The following DOK6 variants were observed in gnomAD, a reference collection of about 807,000 sequenced individuals.
DOK6 encodes the protein docking protein 6, also known as downstream of tyrosine kinase 6.
Under a neutral mutation model 44.0 loss-of-function variants are expected in DOK6, and 22 were observed. The observed-to-expected ratio is 0.50, with a 90% CI of 0.36 to 0.71. DOK6 has a LOEUF of 0.71. Among genes scored for constraint, DOK6 ranks in the 30% least tolerant of loss-of-function variants. The pLI is 0.00. For missense variants in DOK6, 340 were observed against 416.4 expected, an observed-to-expected ratio of 0.82 and a Z score of 1.60; for synonymous variants, 166 against 145.5, an observed-to-expected ratio of 1.14 and a Z score of -1.01.
chr18:69,515,533 T>G (rs1322896761), intron 1 of DOK6, among the ~76,000 whole-genome samples: 1 of 152,150 alleles, frequency 6.6e-6, no homozygotes, highest in East Asian at 1.9e-4. Context: ...AGGCGTGAAC[T>G]AACAAACATA....
At chr18:69,426,248 C>T (rs988231533) in intron 1 of DOK6, among the ~76,000 whole-genome samples, 1 of 152,120 alleles carries the variant, frequency 6.6e-6, no homozygotes, top group Non-Finnish European at 1.5e-5. Flanking sequence ...CTATTCCTCC[C>T]CATATCCAAA....
chr18:69,706,103 G>T (rs1391229027), intron 5 of DOK6, among the ~76,000 whole-genome samples: 1 of 152,138 alleles, frequency 6.6e-6, no homozygotes, highest in Non-Finnish European at 1.5e-5. Flanking sequence ...CTTGTAACTG[G>T]GGTAACCATT....
intron 1 of DOK6, among the ~76,000 whole-genome samples, chr18:69,517,729 G>T (rs989454456): frequency 9.5e-5 from 14 of 146,808 alleles, no homozygotes; most frequent in East Asian, 2.0e-4. Flanking sequence ...ATACAGCTTG[G>T]TTTTTTTTTT....
intron 7 of DOK6, among the ~76,000 whole-genome samples, chr18:69,821,089 G>C (rs540561666): frequency 6.6e-6 from 1 of 152,154 alleles, no homozygotes; most frequent in East Asian, 1.9e-4. Flanking sequence ...TCCATTCCTT[G>C]ATTACATTAT....
intron 3 of DOK6, among the ~76,000 whole-genome samples, chr18:69,638,068 CT>C (rs1984850931): frequency 6.6e-6 from 1 of 152,096 alleles, no homozygotes. Context: ...TTCCTATTGC[CT>C]TTGATGTTTC....
chr18:69,607,500 T>TA (rs965640572), intron 3 of DOK6, among the ~76,000 whole-genome samples: 3 of 127,096 alleles, frequency 2.4e-5, no homozygotes, highest in Non-Finnish European at 3.5e-5. Flanking sequence ...TCCTTGGATA[T>TA]AAAAAAAATT....
chr18:69,681,060 T>C (rs1477706180), intron 4 of DOK6, among the ~76,000 whole-genome samples: 1 of 152,212 alleles, frequency 6.6e-6, no homozygotes, highest in Non-Finnish European at 1.5e-5. Flanking sequence ...ATTAGCACGA[T>C]AGATTGTTTA....
At chr18:69,589,706 G>A (rs1378235019) in intron 2 of DOK6, among the ~76,000 whole-genome samples, 3 of 152,036 alleles carry the variant, frequency 2.0e-5, no homozygotes, top group Non-Finnish European at 4.4e-5. Flanking sequence ...CACTTAATTT[G>A]CCCAGTTAGG....
At chr18:69,655,845 AAT>A (rs140810516) in intron 3 of DOK6, among the ~76,000 whole-genome samples, 5,106 of 151,456 alleles carry the variant, frequency 0.034, 126 homozygotes, top group South Asian at 0.053. Flanking sequence ...TGAAAAATAA[AAT>A]ATGACATATG....
intron 1 of DOK6, among the ~76,000 whole-genome samples, chr18:69,488,785 A>G (rs1455633846): frequency 2.0e-5 from 3 of 152,222 alleles, no homozygotes; most frequent in Non-Finnish European, 4.4e-5. Flanking sequence ...GGAAACTACA[A>G]TTCAAGATGA....
chr18:69,472,427 C>T (rs2122491043), intron 1 of DOK6, among the ~76,000 whole-genome samples: 1 of 152,266 alleles, frequency 6.6e-6, no homozygotes, highest in East Asian at 1.9e-4. Flanking sequence ...CTTAGGGTCT[C>T]AGATTTCTGT....
chr18:69,402,255 G>A (rs1354387528), intron 1 of DOK6, among the ~76,000 whole-genome samples: 13 of 152,140 alleles, frequency 8.5e-5, no homozygotes, highest in Non-Finnish European at 1.8e-4. Flanking sequence ...CCCTGTTCCA[G>A]ACTCTGGTTG....
intron 1 of DOK6, among the ~76,000 whole-genome samples, chr18:69,508,895 T>C (rs1981269214): frequency 6.6e-6 from 1 of 152,222 alleles, no homozygotes; most frequent in African/African-American, 2.4e-5. Flanking sequence ...CTTTGACCAC[T>C]GTGGAGGAAA....
chr18:69,781,585 T>G (rs1450652937), intron 7 of DOK6, among the ~76,000 whole-genome samples: 6 of 152,206 alleles, frequency 3.9e-5, no homozygotes, highest in Non-Finnish European at 5.9e-5. Flanking sequence ...CGTTTCTGCA[T>G]GGAAATTTGT....
intron 1 of DOK6, among the ~76,000 whole-genome samples, chr18:69,529,876 G>T (rs1175927106): frequency 6.6e-6 from 1 of 151,988 alleles, no homozygotes; most frequent in Non-Finnish European, 1.5e-5. Flanking sequence ...GTATAATAAT[G>T]ATATGTTAGG....
intron 3 of DOK6, among the ~76,000 whole-genome samples, chr18:69,654,552 G>T (rs1985313861): frequency 6.6e-6 from 1 of 152,288 alleles, no homozygotes; most frequent in Admixed American, 6.5e-5. Flanking sequence ...AAAGTAATGA[G>T]AAAGGCTGAC....
intron 1 of DOK6, among the ~76,000 whole-genome samples, chr18:69,486,720 T>C (rs894312586): frequency 2.6e-5 from 4 of 152,212 alleles, no homozygotes; most frequent in African/African-American, 7.2e-5. Context: ...GTTATGTCTC[T>C]CTGGGCTAGT....
At chr18:69,692,701 C>T (rs1299280262) in intron 4 of DOK6, among the ~76,000 whole-genome samples, 2 of 152,134 alleles carry the variant, frequency 1.3e-5, no homozygotes. Context: ...CCAGGCCATC[C>T]AAGTTTTGCC....
chr18:69,626,072 A>T (rs1661465860), intron 3 of DOK6, among the ~76,000 whole-genome samples: 1 of 152,210 alleles, frequency 6.6e-6, no homozygotes, highest in South Asian at 2.1e-4. Flanking sequence ...TAGCACTGCC[A>T]ATTCCCAAGC....
Sources: gnomAD v4.1 joint callset for allele counts (sites outside exome capture counted in the v4.1 genomes callset) on GRCh38, gnomAD v4.1.1 for gene constraint, MANE v1.5 for transcripts, NCBI Gene and HGNC (gene_info 2026-07-23, HGNC 2026-07-21) for gene names.